FREM3: variants seen among roughly 807,000 people sequenced by gnomAD.
FREM3 encodes FRAS1 related extracellular matrix 3, also known as FRAS1-related extracellular matrix protein 3.
In FREM3, 105 loss-of-function variants were observed where a neutral mutation model predicts 129.1. The observed-to-expected ratio is 0.81, with a 90% CI of 0.69 to 0.96. The LOEUF is 0.96. Ranked by LOEUF, FREM3 falls within the 40% of genes least tolerant of loss-of-function variation. FREM3 has a pLI of 0.00. For synonymous variants in FREM3, 1,014 were observed against 1,044.9 expected (o/e 0.97, Z 0.57); for missense variants, 2,593 against 2,666.3 (o/e 0.97, Z 0.61).
At chr4:143,587,172 G>A (rs1738256894) in intron 6 of FREM3, among the ~76,000 whole-genome samples, 2 of 152,180 alleles carry the variant, frequency 1.3e-5, no homozygotes, top group Non-Finnish European at 2.9e-5. Context: ...GCATTTGTGA[G>A]CCTCCATCTT....
At chr4:143,644,095 C>T (rs903927175) in intron 2 of FREM3, among the ~76,000 whole-genome samples, 2 of 152,054 alleles carry the variant, frequency 1.3e-5, no homozygotes, top group Non-Finnish European at 2.9e-5. Flanking sequence ...CATCCAAACA[C>T]GGACAGAAAT....
chr4:143,695,696 G>C lies in FREM3; in HGVS notation c.4980C>G (p.Pro1660=), dbSNP rs1326520819. Residue 1660 remains proline (P), a synonymous_variant, in exon 1 of 8, where the codon CCC becomes CCG. Transcript: ENST00000329798. ...GGGCACCCCTGTTGGTAGTAATCTG[G>C]GGAAGCCTATTGTCTAATGATCTTA... ...VQIRSLDNRL[P]QITTNRGAPA... The C allele has an allele frequency of 2.4e-5, 37 of 1,537,100 alleles. No individual in the cohort carries two copies. Among genetic ancestry groups the C allele is most frequent in the Non-Finnish European group, 3.1e-5 (36 of 1,146,928 alleles).
chr4:143,669,176 A>G (rs1455909118), intron 2 of FREM3, among the ~76,000 whole-genome samples: 2 of 152,218 alleles, frequency 1.3e-5, no homozygotes, highest in African/African-American at 4.8e-5. Flanking sequence ...TAAAATAAAA[A>G]TGAGTCTAAG....
chr4:143,673,442 T>C lies in FREM3; in HGVS notation c.5275+19671A>G, dbSNP rs150439472. Among the ~76,000 whole-genome samples the C allele has an allele frequency of 1.7e-3, 255 of 152,302 alleles. 1 individual carries two copies. Among genetic ancestry groups the C allele is most frequent in the Non-Finnish European group, 2.9e-3 (195 of 68,018 alleles). On this transcript the variant is annotated intron_variant, in intron 2 of 7. Transcript: ENST00000329798. ...AACAGCAAATGTTGCTGTCTGATTG[T>C]TCCTCTGGAAGTTTCGTCTCAGAGG...
chr4:143,668,409 C>G (rs1261054192), intron 2 of FREM3, among the ~76,000 whole-genome samples: 1 of 152,216 alleles, frequency 6.6e-6, no homozygotes, highest in Non-Finnish European at 1.5e-5. Flanking sequence ...TTCACTTTCT[C>G]AAACAACTGC....
intron 2 of FREM3, among the ~76,000 whole-genome samples, chr4:143,672,590 G>A (rs1432334688): frequency 6.6e-6 from 1 of 152,172 alleles, no homozygotes; most frequent in East Asian, 1.9e-4. Flanking sequence ...TCTTCTCGAG[G>A]AGTATCTTTG....
At position 143,649,797 on chromosome 4, in the gene FREM3, A is replaced by G. The variant is rs114103163; in HGVS notation, c.5276-22037T>C. On this transcript the variant is annotated intron_variant, in intron 2 of 7. Coordinates refer to ENST00000329798, the MANE Select transcript of FREM3 (RefSeq NM_001168235.2). ...ATAACAGAATTGCAGATTATTTATGAAAAATTAAGGTCTGTTTACACACTG... is the reference window on the plus strand; with the variant it reads ...ATAACAGAATTGCAGATTATTTATGGAAAATTAAGGTCTGTTTACACACTG... Among the ~76,000 whole-genome samples the G allele has an allele frequency of 7.4e-3, 1,124 of 152,300 alleles. 8 individuals carry two copies. The highest frequency in any genetic ancestry group is 0.012 in the South Asian group (60 of 4,826).
At chr4:143,662,424 G>C (rs1369539703) in intron 2 of FREM3, among the ~76,000 whole-genome samples, 9 of 152,224 alleles carry the variant, frequency 5.9e-5, no homozygotes, top group South Asian at 2.1e-4. Flanking sequence ...ATCCTGAGTA[G>C]TAGTTTGATT....
Position 143,696,276 on chromosome 4 carries a change from G to C in FREM3, c.4400C>G (p.Ala1467Gly), listed in dbSNP as rs1315134117. The C allele has an allele frequency of 6.5e-7, 1 of 1,537,540 alleles. No individual in the cohort carries two copies. Among genetic ancestry groups the C allele is most frequent in the African/African-American group, 1.4e-5 (1 of 73,028 alleles). Residue 1467 changes from alanine to glycine, a missense_variant, in exon 1 of 8, where the codon GCT (alanine) becomes GGT (glycine). Physicochemically the swap from Ala to Gly is moderately conservative, Grantham distance 60. Around this residue, in one of 2 missense-constraint regions of FREM3, gnomAD observed 2,276 missense variants for 2,267.2 expected, o/e 1.00. Coordinates refer to ENST00000329798, the MANE Select transcript of FREM3 (RefSeq NM_001168235.2). ...SDEHHFSITR[A>G]PSLGHLESSD... is the part of the protein sequence containing the mutation. ...ACTTTCTAAGTGACCCAGGCTTGGA[G>C]CCCGTGTAATGCTAAAGTGATGTTC...
At chr4:143,604,544 T>G (rs990588533) in intron 6 of FREM3, among the ~76,000 whole-genome samples, 3 of 152,036 alleles carry the variant, frequency 2.0e-5, no homozygotes, top group Non-Finnish European at 4.4e-5. Flanking sequence ...AAAGTTATAT[T>G]TTTTTCATTA....
At chr4:143,618,115 G>C (rs901299852) in intron 5 of FREM3, among the ~76,000 whole-genome samples, 1 of 152,192 alleles carries the variant, frequency 6.6e-6, no homozygotes, top group Non-Finnish European at 1.5e-5. Flanking sequence ...CTTGGAAAGA[G>C]CTATGCTGCA....
chr4:143,577,708 G>A lies in FREM3; in HGVS notation c.6323C>T (p.Pro2108Leu). The A allele has an allele frequency of 6.5e-7, 1 of 1,537,272 alleles. No homozygotes were observed. The highest frequency in any genetic ancestry group is 8.7e-7 in the Non-Finnish European group (1 of 1,146,918). Reference sequence around the variant, plus strand: ...TGGTTCTCCAAGCACTGCACCCATAGGCATCTGAAGAAGTAATTCAAACTT... The same window carrying A: ...TGGTTCTCCAAGCACTGCACCCATAAGCATCTGAAGAAGTAATTCAAACTT... ...PEKFELLLQM[P>L]MGAVLGEPNK... The change falls in exon 8 of 8, where the codon CCT becomes CTT. Residue 2108 changes from proline to leucine, a missense_variant. Physicochemically the swap from Pro to Leu is moderately conservative, Grantham distance 98. Transcript: ENST00000329798.
At chr4:143,620,034 A>G (rs188719949) in intron 5 of FREM3, among the ~76,000 whole-genome samples, 1 of 152,314 alleles carries the variant, frequency 6.6e-6, no homozygotes, top group Admixed American at 6.5e-5. Context: ...TCTGACCCAC[A>G]ATCTGCAGCA....
chr4:143,598,510 C>A (rs1199724206), intron 6 of FREM3, among the ~76,000 whole-genome samples: 1 of 152,116 alleles, frequency 6.6e-6, no homozygotes, highest in East Asian at 1.9e-4. Flanking sequence ...AGCCAGTGTT[C>A]TGTGCATGCC....
chr4:143,667,793 A>G (rs1560864747), intron 2 of FREM3, among the ~76,000 whole-genome samples: 4 of 152,228 alleles, frequency 2.6e-5, no homozygotes, highest in Admixed American at 6.5e-5. Flanking sequence ...GTGTGAATGA[A>G]ACATTTTCCC....
chr4:143,694,431 T>C (rs912955560), intron 1 of FREM3, among the ~76,000 whole-genome samples: 16 of 152,064 alleles, frequency 1.1e-4, no homozygotes, highest in African/African-American at 3.6e-4. Context: ...TTTTTCCTAT[T>C]GGCTATTCTC....
At chr4:143,584,718 C>T (rs1409114445) in intron 7 of FREM3, among the ~76,000 whole-genome samples, 1 of 152,030 alleles carries the variant, frequency 6.6e-6, no homozygotes, top group East Asian at 1.9e-4. Context: ...TTAGACAGAC[C>T]ATCAAGGCAG....
intron 2 of FREM3, among the ~76,000 whole-genome samples, chr4:143,648,993 G>T (rs888235105): frequency 1.3e-5 from 2 of 152,034 alleles, no homozygotes; most frequent in African/African-American, 4.8e-5. Context: ...CAAACTCCTG[G>T]CCTCATGTGA....
chr4:143,622,729 G>A (rs1166437076), intron 4 of FREM3, among the ~76,000 whole-genome samples: 3 of 152,130 alleles, frequency 2.0e-5, no homozygotes, highest in Non-Finnish European at 4.4e-5. Flanking sequence ...TGATACAATA[G>A]GACTAAGTTA....
Sources: allele counts gnomAD v4.1 joint callset (sites outside exome capture counted in the v4.1 genomes callset), GRCh38; gene constraint gnomAD v4.1.1; regional missense constraint gnomAD v4.1.1; transcripts MANE v1.5; gene names NCBI Gene and HGNC (gene_info 2026-07-23, HGNC 2026-07-21).